Variants in FOCAD observed in about 807,000 individuals in gnomAD.
FOCAD encodes the protein KIAA1797.
FOCAD carries 198 observed loss-of-function variants against 225.6 expected under a neutral mutation model. That is an observed-to-expected ratio of 0.88 (90% CI 0.78 to 0.99). The LOEUF is 0.99. Among genes scored for constraint, FOCAD ranks in the 50% least tolerant of loss-of-function variants. FOCAD has a pLI of 0.00. For missense variants in FOCAD, 2,713 were observed against 2,123.6 expected (o/e 1.28, Z -5.46); for synonymous variants, 897 against 755.0 (o/e 1.19, Z -3.08).
upstream of FOCAD, among the ~76,000 whole-genome samples, chr9:20,657,033 A>G (rs185384353): frequency 2.6e-5 from 4 of 152,214 alleles, no homozygotes; most frequent in African/African-American, 9.6e-5. Flanking sequence ...TCCTTCGCTT[A>G]TGAAGCTTAG....
intron 15 of FOCAD, among the ~76,000 whole-genome samples, chr9:20,836,807 A>G (rs188228484): frequency 5.3e-5 from 8 of 152,210 alleles, no homozygotes; most frequent in Admixed American, 1.3e-4. Context: ...CATAAGTCAT[A>G]TATGAAACGG....
At chr9:20,857,581 C>G (rs543578600) in intron 15 of FOCAD, among the ~76,000 whole-genome samples, 4 of 151,676 alleles carry the variant, frequency 2.6e-5, no homozygotes, top group Admixed American at 1.3e-4. Flanking sequence ...GATGCCCTTT[C>G]TTTCTTTTGC....
rs1393178626 is a variant in FOCAD, at chr9:20,990,517, C to T, written c.5256+143C>T. The T allele has an allele frequency of 4.9e-6, 5 of 1,027,110 alleles. No individual in the cohort carries two copies. In the East Asian group the frequency reaches 1.3e-4, roughly 27 times the overall value. 63.6% of individuals were successfully genotyped at this position (1,027,110 alleles called of 1,614,324 possible). ...CCCAGCCCCATATCTCAGCCAGATG[C>T]AGAGTCTCAGAGATTGAGGCTAGCC... On this transcript the variant is annotated intron_variant, in intron 42 of 43. Coordinates refer to ENST00000338382, the MANE Select transcript of FOCAD (RefSeq NM_001375567.1).
chr9:20,715,799 T>C (rs941405189), intron 2 of FOCAD, among the ~76,000 whole-genome samples: 1 of 152,132 alleles, frequency 6.6e-6, no homozygotes, highest in African/African-American at 2.4e-5. Context: ...TATATAGATT[T>C]TTATAATAAT....
intron 15 of FOCAD, among the ~76,000 whole-genome samples, chr9:20,849,185 A>G (rs1827409064): frequency 6.6e-6 from 1 of 151,960 alleles, no homozygotes; most frequent in African/African-American, 2.4e-5. Context: ...TTCCATATAG[A>G]CATCTCCCTC....
intron 18 of FOCAD, among the ~76,000 whole-genome samples, chr9:20,872,126 A>G (rs1829832065): frequency 6.6e-6 from 1 of 152,140 alleles, no homozygotes; most frequent in African/African-American, 2.4e-5. Context: ...TTTCTTTGCT[A>G]AAATTTATGC....
At chr9:20,863,614 G>A (rs550687818) in intron 16 of FOCAD, 1 of 152,100 alleles carries the variant, frequency 6.6e-6, no homozygotes, top group South Asian at 2.1e-4. Flanking sequence ...CTTACATGTA[G>A]CCTTTTTTTA....
chr9:20,826,918 G>A (rs1232658516), intron 15 of FOCAD, among the ~76,000 whole-genome samples: 1 of 151,884 alleles, frequency 6.6e-6, no homozygotes, highest in Non-Finnish European at 1.5e-5. Context: ...CTTTTCCATT[G>A]AGCTTTCTCA....
intron 1 of FOCAD, 142 bp from the exon 2 acceptor site, chr9:20,715,180 G>T (rs1825231603): frequency 2.8e-6 from 1 of 359,450 alleles, no homozygotes; most frequent in Non-Finnish European, 5.0e-6. Context: ...TTTTGCCAAG[G>T]ATTACTCTGC....
At chr9:20,847,704 A>C (rs1053031349) in intron 15 of FOCAD, among the ~76,000 whole-genome samples, 1 of 152,070 alleles carries the variant, frequency 6.6e-6, no homozygotes, top group African/African-American at 2.4e-5. Flanking sequence ...TTATATTGTA[A>C]AATAAGAACA....
At chr9:20,974,652 G>T (rs1306000482) in intron 35 of FOCAD, among the ~76,000 whole-genome samples, 1 of 148,228 alleles carries the variant, frequency 6.7e-6, no homozygotes, top group African/African-American at 2.6e-5. Context: ...CACGTTTGCT[G>T]ACTCTACCCT....
chr9:20,967,301 A>T (rs903015460), intron 35 of FOCAD, among the ~76,000 whole-genome samples: 5 of 152,054 alleles, frequency 3.3e-5, no homozygotes, highest in Admixed American at 3.3e-4. Flanking sequence ...ATTTTTTCTA[A>T]ATTTCTTTTT....
At position 20,820,953 on chromosome 9, in the gene FOCAD, C is replaced by A. The variant is rs1481750226; in HGVS notation, c.1675C>A (p.Pro559Thr). The A allele has an allele frequency of 6.2e-7, 1 of 1,612,264 alleles. No individual in the cohort carries two copies. The highest frequency in any genetic ancestry group is 8.5e-7 in the Non-Finnish European group (1 of 1,178,876). Residue 559 changes from proline (P) to threonine (T), a missense_variant, in exon 14 of 44, where the codon CCT becomes ACT. Coordinates refer to ENST00000338382, the MANE Select transcript of FOCAD (RefSeq NM_001375567.1). ...SLWEKQDRVY[P>T]ELQRFMAVSD... ...ATTGCCTTCGTAGGACCGAGTCTAT[C>A]CTGAACTGCAGCGTTTCATGGCTGT... is the stretch of plus-strand genomic sequence containing the variant.
chr9:20,976,748 C>T (rs917268730), intron 36 of FOCAD, among the ~76,000 whole-genome samples, 200 bp downstream of exon 36: 36 of 152,150 alleles, frequency 2.4e-4, no homozygotes, highest in African/African-American at 8.4e-4. Flanking sequence ...TCTAAAGACA[C>T]AGGCCAGATA....
intron 19 of FOCAD, among the ~76,000 whole-genome samples, chr9:20,881,281 C>T (rs1830645565): frequency 6.6e-6 from 1 of 152,152 alleles, no homozygotes; most frequent in Admixed American, 6.6e-5. Context: ...GGAAAGAGGC[C>T]ATATGTAAGT....
chr9:20,657,978 G>A (rs1339852481), upstream of FOCAD, among the ~76,000 whole-genome samples: 3 of 141,922 alleles, frequency 2.1e-5, no homozygotes, highest in Non-Finnish European at 4.6e-5. Context: ...CTTTCTGTTT[G>A]TTAGTTTTCC....
chr9:20,900,730 A>G (rs986575101), intron 21 of FOCAD, among the ~76,000 whole-genome samples: 2 of 151,962 alleles, frequency 1.3e-5, no homozygotes, highest in African/African-American at 4.8e-5. Context: ...TGTATTTTAG[A>G]TACTCCATAA....
upstream of FOCAD, among the ~76,000 whole-genome samples, chr9:20,679,827 A>G (rs534988174): frequency 6.6e-6 from 1 of 152,240 alleles, no homozygotes; most frequent in Non-Finnish European, 1.5e-5. Flanking sequence ...TAATCCTTCA[A>G]GTGAAATTTG....
intron 28 of FOCAD, among the ~76,000 whole-genome samples, chr9:20,935,350 A>G (rs1023014551): frequency 2.6e-5 from 4 of 152,198 alleles, no homozygotes; most frequent in African/African-American, 9.6e-5. Context: ...TACAAGGCAC[A>G]TGTATGGGGA....
Sources: gnomAD v4.1 joint callset for allele counts (sites outside exome capture counted in the v4.1 genomes callset) on GRCh38, gnomAD v4.1.1 for gene constraint, MANE v1.5 for transcripts, NCBI Gene and HGNC (gene_info 2026-07-23, HGNC 2026-07-21) for gene names.